The following COX11 variants were observed in gnomAD, a reference collection of about 807,000 sequenced individuals.
The protein encoded by COX11 is cytochrome c oxidase assembly protein COX11, mitochondrial.
A neutral mutation model predicts 29.4 loss-of-function variants in COX11; 18 were observed. The ratio of observed to expected loss-of-function variants is 0.61; its 90% CI spans 0.42 to 0.91. COX11 has a LOEUF of 0.91. Among genes scored for constraint, COX11 ranks in the 40% least tolerant of loss-of-function variants. The pLI is 0.00. For missense variants in COX11, 312 were observed against 346.0 expected, an observed-to-expected ratio of 0.90 and a Z score of 0.78; for synonymous variants, 131 against 124.0, an observed-to-expected ratio of 1.06 and a Z score of -0.38.
At chr17:54,968,722 G>T (rs1188360967), upstream of COX11, 5 of 1,505,420 alleles carry the variant, frequency 3.3e-6, no homozygotes, top group African/African-American at 2.8e-5. Flanking sequence ...CGTCTCGCGA[G>T]ATCTGGGTTG....
chr17:54,967,243 C>T (rs1468326487), intron 1 of COX11, among the ~76,000 whole-genome samples: 1 of 152,176 alleles, frequency 6.6e-6, no homozygotes, highest in African/African-American at 2.4e-5. Flanking sequence ...TAGAAGCTGT[C>T]CAGGTGATTC....
At chr17:54,952,967 A>G (rs918779780) in exon 1 of COX11, 2 of 152,254 alleles carry the variant, frequency 1.3e-5, no homozygotes, top group East Asian at 3.8e-4. Context: ...TTCATGGACC[A>G]GAGGCTCCAA....
At position 54,960,654 on chromosome 17, in the gene COX11, A is replaced by G. The variant is rs1275076285; in HGVS notation, c.*2079T>C. Reference sequence around the variant, plus strand: ...TAAAGACTTCAACTTATACAACTTAATTCCATATTCCATATAATTTCAGTA... The same window carrying G: ...TAAAGACTTCAACTTATACAACTTAGTTCCATATTCCATATAATTTCAGTA... On this transcript the variant is annotated 3_prime_UTR_variant, in exon 4 of 4. Transcript: ENST00000299335. The G allele has an allele frequency of 6.8e-7, 1 of 1,463,962 alleles. No homozygotes were observed. Among genetic ancestry groups the G allele is most frequent in the Admixed American group, 1.7e-5 (1 of 59,542 alleles). The allele number at this position is 1,463,962 out of a possible 1,614,324, so 90.7% of individuals were successfully genotyped here.
Position 54,953,689 on chromosome 17 carries a change from A to C in COX11, n.1461T>G, listed in dbSNP as rs1470839203. ...TGCCATCTTCTTCCTGGGCTTCCTG[A>C]AGTAGTCTGTAGGGCTGCCGCATCT... is the stretch of plus-strand genomic sequence containing the variant. On this transcript the variant is annotated non_coding_transcript_exon_variant, in exon 1 of 1. Transcript: ENST00000572088. 3 of 152,250 alleles carry C rather than the reference A, an allele frequency of 2.0e-5. No individual in the cohort carries two copies. In the East Asian group the frequency reaches 5.8e-4, roughly 29 times the overall value. The allele number at this position is 152,250 out of a possible 1,614,324, so 9.4% of individuals were successfully genotyped here.
At chr17:54,957,198 G>A (rs2049555472), downstream of COX11, 1 of 152,244 alleles carries the variant, frequency 6.6e-6, no homozygotes, top group Non-Finnish European at 1.5e-5. Context: ...GACATGTGTA[G>A]ACATTTGATA....
chr17:54,967,789 A>AC (rs1305504240), intron 1 of COX11, among the ~76,000 whole-genome samples: 1 of 152,078 alleles, frequency 6.6e-6, no homozygotes, highest in Non-Finnish European at 1.5e-5. Flanking sequence ...AGAGAGCCTC[A>AC]AAGGCCTAAT....
chr17:54,955,207 T>C (rs899407765), upstream of COX11: 4 of 152,190 alleles, frequency 2.6e-5, no homozygotes, highest in Non-Finnish European at 5.9e-5. Flanking sequence ...CCTGGGAAGC[T>C]GAGAGGATAA....
exon 1 of COX11, chr17:54,953,000 G>A (rs1302853079): frequency 6.6e-6 from 1 of 152,194 alleles, no homozygotes; most frequent in Non-Finnish European, 1.5e-5. Flanking sequence ...TCCTTTATGA[G>A]ACACACCCCT....
intron 1 of COX11, among the ~76,000 whole-genome samples, chr17:54,967,708 G>A (rs565034420): frequency 2.1e-5 from 3 of 143,766 alleles, no homozygotes; most frequent in African/African-American, 7.8e-5. Flanking sequence ...CACACTCCCA[G>A]AACCGTTGCA....
At chr17:54,954,910 A>T (rs2049417184) in exon 1 of COX11, 1 of 152,200 alleles carries the variant, frequency 6.6e-6, no homozygotes, top group African/African-American at 2.4e-5. Context: ...GCAGTAAGTG[A>T]CCCATATTCA....
downstream of COX11, among the ~76,000 whole-genome samples, chr17:54,960,128 C>T (rs57632493): frequency 0.29 from 44,374 of 151,508 alleles, 6,757 homozygotes; most frequent in African/African-American, 0.35. Flanking sequence ...TTTGGGAGGC[C>T]GAGGCGGGTG....
In COX11 at chr17:54,961,790, G is replaced by T. The variant is rs2077130732; in HGVS notation, c.*943C>A. 1.0e-6 allele frequency: 1 copy of T among 988,624 alleles called. No individual in the cohort carries two copies. 61.2% of individuals were successfully genotyped at this position (988,624 alleles called of 1,614,324 possible). A position where few individuals can be genotyped will look rare whatever the true frequency, so the allele number is the denominator to read the frequency against. On this transcript the variant is annotated 3_prime_UTR_variant, in exon 4 of 4. Coordinates refer to ENST00000299335, the MANE Select transcript of COX11 (RefSeq NM_004375.5). ...ATTATATTTCAGGTGTCCTGAACAG[G>T]TCACTAGACTCTACATTGGGCAGCC... is the stretch of plus-strand genomic sequence containing the variant.
At chr17:54,963,701 G>A (rs1408525813) in intron 2 of COX11, among the ~76,000 whole-genome samples, 2 of 151,916 alleles carry the variant, frequency 1.3e-5, no homozygotes, top group South Asian at 2.1e-4. Context: ...AGGAATAATC[G>A]GCAAATTACA....
chr17:54,958,120 A>G (rs1390379208), downstream of COX11: 1 of 144,834 alleles, frequency 6.9e-6, no homozygotes, highest in Admixed American at 6.9e-5. Context: ...GCTCTGGCAC[A>G]TTCAAGGAAA....
At position 54,968,511 on chromosome 17, in the gene COX11, C is replaced by T; in HGVS notation, c.136G>A (p.Ala46Thr). The T allele has an allele frequency of 6.2e-7, 1 of 1,613,366 alleles. No individual in the cohort carries two copies. Among genetic ancestry groups the T allele is most frequent in the Non-Finnish European group, 8.5e-7 (1 of 1,179,988 alleles). ...CCAAGCCACCTCAGTCCTCTCTCGG[C>T]ACCTCCTGTCCCACTCCACTCTGGC... ...LRPEWSGTGG[A>T]ERGLRWLGTW... Residue 46 changes from alanine (A) to threonine (T), a missense_variant, in exon 1 of 4, where the codon GCC (alanine) becomes ACC (threonine). This residue lies in a region of COX11 where 130 missense variants were observed against 106.0 expected (regional missense o/e 1.23). Coordinates refer to ENST00000299335, the MANE Select transcript of COX11 (RefSeq NM_004375.5).
chr17:54,966,913 C>T (rs1195526315), intron 1 of COX11, among the ~76,000 whole-genome samples: 7 of 152,156 alleles, frequency 4.6e-5, no homozygotes, highest in African/African-American at 1.2e-4. Flanking sequence ...TGGTGGCTCA[C>T]GCCTGTAATC....
chr17:54,958,823 A>C (rs1231347796), downstream of COX11, among the ~76,000 whole-genome samples: 1 of 151,866 alleles, frequency 6.6e-6, no homozygotes. Flanking sequence ...TACTTTGTAT[A>C]AAATGGGAGA....
rs1307909493 is a variant in COX11, at chr17:54,961,256, A to G, written c.*1477T>C. ...TTAGAAGAAAGTGGATGATCAGCTC[A>G]CTACCACATCAAAGGTGCCAACTCT... On this transcript the variant is annotated 3_prime_UTR_variant, in exon 4 of 4. Transcript: ENST00000299335. 2 of 1,549,702 alleles carry G rather than the reference A, an allele frequency of 1.3e-6. No homozygotes were observed. Among genetic ancestry groups the G allele is most frequent in the Non-Finnish European group, 1.7e-6 (2 of 1,145,216 alleles).
At chr17:54,962,995 C>A in intron 3 of COX11, 80 bp from the exon 4 acceptor site, 1 of 1,207,722 alleles carries the variant, frequency 8.3e-7, no homozygotes, top group Non-Finnish European at 1.2e-6. Context: ...TTTATCTTAG[C>A]ATTCCAGTAC....
Sources: gnomAD v4.1 joint callset for allele counts (sites outside exome capture counted in the v4.1 genomes callset) on GRCh38, gnomAD v4.1.1 for gene constraint, gnomAD v4.1.1 regional missense constraint, MANE v1.5 for transcripts, NCBI Gene and HGNC (gene_info 2026-07-23, HGNC 2026-07-21) for gene names.